CHD7: variants seen among roughly 807,000 people sequenced by gnomAD.
CHD7 encodes ATP-dependent chromatin remodeler CHD7.
A neutral mutation model predicts 307.3 loss-of-function variants in CHD7; 24 were observed. That is an observed-to-expected ratio of 0.08 (90% CI 0.06 to 0.11). The LOEUF is 0.11. Ranked by LOEUF, CHD7 falls within the 10% of genes least tolerant of loss-of-function variation. The pLI, the probability that CHD7 is intolerant of heterozygous loss-of-function variation, is 1.00. For missense variants in CHD7, 3,106 were observed against 3,727.1 expected (o/e 0.83, Z 4.34); for synonymous variants, 1,363 against 1,349.9 (o/e 1.01, Z -0.21).
Position 60,865,719 on chromosome 8 carries a change from T to C in CHD7, c.8780T>C (p.Leu2927Pro). Residue 2927 changes from leucine (L) to proline (P), a missense_variant, in exon 38 of 38, where the codon CTT (leucine) becomes CCT (proline). Coordinates refer to ENST00000423902, the MANE Select transcript of CHD7 (RefSeq NM_017780.4). The surrounding 1 kb of genome is among the most constrained non-coding windows in gnomAD (Gnocchi z 4.3). ...TLPGFPALAG[L>P]QNAVGSSEEK... ...CCTGGGTTCCCAGCATTGGCAGGAC[T>C]TCAGAATGCCGTGGGCTCCAGCGAA... The C allele has an allele frequency of 6.2e-7, 1 of 1,609,528 alleles. No individual in the cohort carries two copies. Among genetic ancestry groups the C allele is most frequent in the Non-Finnish European group, 8.5e-7 (1 of 1,176,966 alleles).
At chr8:60,700,112 A>G (rs1168223488) in intron 1 of CHD7, among the ~76,000 whole-genome samples, 1 of 152,164 alleles carries the variant, frequency 6.6e-6, no homozygotes, top group Non-Finnish European at 1.5e-5. Flanking sequence ...TGCTGGGATT[A>G]TAGGTGTGAG....
At chr8:60,703,251 C>T (rs189802559) in intron 1 of CHD7, among the ~76,000 whole-genome samples, 9 of 152,284 alleles carry the variant, frequency 5.9e-5, no homozygotes, top group Non-Finnish European at 1.2e-4. Flanking sequence ...CATCCATCAC[C>T]AGCATCCATC....
At chr8:60,863,175 T>C (rs1159976090) in intron 37 of CHD7, 1 of 152,990 alleles carries the variant, frequency 6.5e-6, no homozygotes, top group Non-Finnish European at 1.5e-5. Flanking sequence ...TGTGAGTTTG[T>C]GAACTGACAC....
intron 2 of CHD7, among the ~76,000 whole-genome samples, chr8:60,764,961 C>T (rs1292462508): frequency 4.6e-5 from 7 of 152,180 alleles, no homozygotes; most frequent in Admixed American, 3.9e-4. Flanking sequence ...GTTAGTTCTA[C>T]AAAAGGTTCA....
At chr8:60,826,799 G>T (rs1322766255) in intron 13 of CHD7, among the ~76,000 whole-genome samples, 1 of 152,166 alleles carries the variant, frequency 6.6e-6, no homozygotes, top group Non-Finnish European at 1.5e-5. Flanking sequence ...GTTCTTCATT[G>T]ATTCTAGTAT....
chr8:60,856,538 C>T lies in CHD7; in HGVS notation c.7258C>T (p.Leu2420Phe), dbSNP rs1406773161. 1 of 1,613,982 alleles carries T rather than the reference C, an allele frequency of 6.2e-7. No individual in the cohort carries two copies. The highest frequency in any genetic ancestry group is 8.5e-7 in the Non-Finnish European group (1 of 1,179,874). ...CGAAAGAGCTGCCAAGAGGCGAAAT[C>T]TCATGGAGATGGTTGCCCAGCTTCG... ...EAERAAKRRN[L>F]MEMVAQLRES... is the part of the protein sequence containing the mutation. Residue 2420 changes from leucine to phenylalanine, a missense_variant, in exon 34 of 38, where the codon CTC (leucine) becomes TTC (phenylalanine). Physicochemically the swap from Leu to Phe is conservative, Grantham distance 22. Around this residue, in one of 10 missense-constraint regions of CHD7, gnomAD observed 1,030 missense variants for 1,165.4 expected, o/e 0.88. Coordinates refer to ENST00000423902, the MANE Select transcript of CHD7 (RefSeq NM_017780.4).
At chr8:60,723,009 T>A (rs570408658) in intron 1 of CHD7, among the ~76,000 whole-genome samples, 1 of 152,374 alleles carries the variant, frequency 6.6e-6, no homozygotes, top group East Asian at 1.9e-4. Flanking sequence ...TGAATGGATC[T>A]TTTCACCATT....
At chr8:60,769,649 A>G (rs1355214749) in intron 2 of CHD7, among the ~76,000 whole-genome samples, 5 of 152,168 alleles carry the variant, frequency 3.3e-5, no homozygotes, top group African/African-American at 1.2e-4. Context: ...CCAAGATGAA[A>G]CTTATTTTGT....
intron 2 of CHD7, among the ~76,000 whole-genome samples, chr8:60,773,908 G>A (rs1810829123): frequency 6.6e-6 from 1 of 152,048 alleles, no homozygotes; most frequent in Non-Finnish European, 1.5e-5. Context: ...GCTTTAGTTC[G>A]GAACTAAACT....
At position 60,742,519 on chromosome 8, in the gene CHD7, C is replaced by T. The variant is rs1216135930; in HGVS notation, c.1087C>T (p.His363Tyr). ...FPSNSGQGLM[H>Y]QQPIHPSGSL... ...ATCAAACAGTGGTCAAGGACTAATG[C>T]ACCAGCAGCCCATCCACCCCAGTGG... The change falls in exon 2 of 38, where the codon CAC (histidine) becomes TAC (tyrosine). Residue 363 changes from histidine to tyrosine, a missense_variant. His to Tyr is a moderately conservative substitution (Grantham distance 83). Transcript: ENST00000423902. 1.2e-6 allele frequency: 2 copies of T among 1,614,008 alleles called. No individual in the cohort carries two copies. The highest frequency in any genetic ancestry group is 2.7e-5 in the African/African-American group (2 of 75,030).
chr8:60,717,822 G>A (rs550512936), intron 1 of CHD7, among the ~76,000 whole-genome samples: 2 of 152,250 alleles, frequency 1.3e-5, no homozygotes, highest in African/African-American at 4.8e-5. Context: ...CTACTGTATT[G>A]CTGGTCTTAT....
At chr8:60,766,062 T>A (rs1023068724) in intron 2 of CHD7, among the ~76,000 whole-genome samples, 4 of 152,234 alleles carry the variant, frequency 2.6e-5, no homozygotes, top group African/African-American at 9.6e-5. Context: ...AAATGAATAA[T>A]ACAGTGCACA....
chr8:60,808,986 T>C (rs1226407959), intron 7 of CHD7: 1 of 152,228 alleles, frequency 6.6e-6, no homozygotes, highest in Non-Finnish European at 1.5e-5. Flanking sequence ...ACATTAAATT[T>C]CTTTTTTACC....
intron 1 of CHD7, among the ~76,000 whole-genome samples, chr8:60,690,877 G>A (rs1806160109): frequency 6.6e-6 from 1 of 152,184 alleles, no homozygotes; most frequent in Non-Finnish European, 1.5e-5. Context: ...GTCATTTTCT[G>A]CAGCTCAGTA....
chr8:60,867,153 C>G lies in CHD7; in HGVS notation c.*1220C>G, dbSNP rs533114277. ...ATACAAAAAGCTCCTATTACTCCCT[C>G]AAAAGGGCATCTGAGACCGAGAATA... On this transcript the variant is annotated 3_prime_UTR_variant, in exon 38 of 38. Coordinates refer to ENST00000423902, the MANE Select transcript of CHD7 (RefSeq NM_017780.4). 6.6e-6 allele frequency: 1 copy of G among 152,344 alleles called. No individual in the cohort carries two copies. The highest frequency in any genetic ancestry group is 2.1e-4 in the South Asian group (1 of 4,826). The allele number at this position is 152,344 out of a possible 1,614,324, so 9.4% of individuals were successfully genotyped here.
chr8:60,681,986 A>G (rs911583026), intron 1 of CHD7, among the ~76,000 whole-genome samples: 4 of 152,184 alleles, frequency 2.6e-5, no homozygotes, highest in Non-Finnish European at 4.4e-5. Context: ...TTAAAAAGTT[A>G]CTTTCTTTTA....
intron 13 of CHD7, among the ~76,000 whole-genome samples, chr8:60,826,892 G>C (rs926608682): frequency 7.9e-5 from 12 of 152,222 alleles, no homozygotes; most frequent in Non-Finnish European, 1.6e-4. Flanking sequence ...GAGCTAAAAA[G>C]AATGGTAACG....
chr8:60,694,075 G>T (rs943908711), intron 1 of CHD7, among the ~76,000 whole-genome samples: 1 of 152,218 alleles, frequency 6.6e-6, no homozygotes, highest in African/African-American at 2.4e-5. Flanking sequence ...GAATGCAAAG[G>T]CATGGCCACT....
chr8:60,837,950 T>G, intron 18 of CHD7, 115 bp downstream of exon 18: 1 of 1,266,288 alleles, frequency 7.9e-7, no homozygotes, highest in Non-Finnish European at 1.1e-6. Context: ...TTTAAGTGTA[T>G]TTTGTAACAC....
Sources: allele counts gnomAD v4.1 joint callset (sites outside exome capture counted in the v4.1 genomes callset), GRCh38; gene constraint gnomAD v4.1.1; regional missense constraint gnomAD v4.1.1; non-coding constraint Gnocchi (gnomAD v3.1); transcripts MANE v1.5; gene names NCBI Gene and HGNC (gene_info 2026-07-23, HGNC 2026-07-21).